PDE1A: variants seen among roughly 807,000 people sequenced by gnomAD.
PDE1A encodes phosphodiesterase 1A.
In PDE1A, 35 loss-of-function variants were observed where a neutral mutation model predicts 61.7. The observed-to-expected ratio is 0.57, with a 90% CI of 0.43 to 0.75. The LOEUF (loss-of-function observed/expected upper bound fraction) is 0.75. Ranked by LOEUF, PDE1A falls within the 30% of genes least tolerant of loss-of-function variation. The pLI is 0.00. For synonymous variants in PDE1A, 232 were observed against 213.2 expected (o/e 1.09, Z -0.77); for missense variants, 597 against 630.6 (o/e 0.95, Z 0.57).
intron 13 of PDE1A, among the ~76,000 whole-genome samples, chr2:182,178,063 G>C (rs566659051): frequency 1.3e-5 from 2 of 152,126 alleles, no homozygotes; most frequent in Non-Finnish European, 2.9e-5. Flanking sequence ...AGCTGATACA[G>C]TGAATCATTA....
At chr2:182,446,036 C>G (rs62188288) in intron 2 of PDE1A, among the ~76,000 whole-genome samples, 5 of 151,866 alleles carry the variant, frequency 3.3e-5, no homozygotes, top group African/African-American at 1.2e-4. Context: ...GATAAAAATG[C>G]CAAGTACACT....
At chr2:182,402,719 C>T (rs1326343810) in intron 1 of PDE1A, among the ~76,000 whole-genome samples, 2 of 152,182 alleles carry the variant, frequency 1.3e-5, no homozygotes, top group African/African-American at 2.4e-5. Flanking sequence ...GCAAAAGAAA[C>T]TATCATCAGA....
At chr2:182,450,637 G>T (rs1268966684) in intron 2 of PDE1A, among the ~76,000 whole-genome samples, 3 of 151,560 alleles carry the variant, frequency 2.0e-5, no homozygotes, top group Non-Finnish European at 2.9e-5. Flanking sequence ...ATCAAATCAG[G>T]CTTGTTCCTT....
At chr2:182,524,780 T>C (rs146237466), upstream of PDE1A, among the ~76,000 whole-genome samples, 11 of 152,086 alleles carry the variant, frequency 7.2e-5, no homozygotes, top group South Asian at 2.1e-4. Context: ...ATTGAGAAAA[T>C]AGTCATAAAA....
At chr2:182,477,567 C>T (rs758042968) in intron 2 of PDE1A, among the ~76,000 whole-genome samples, 6 of 151,856 alleles carry the variant, frequency 4.0e-5, no homozygotes, top group Non-Finnish European at 5.9e-5. Flanking sequence ...CCTGCCTCCA[C>T]ATATGGTAAG....
the PDE1A span, among the ~76,000 whole-genome samples, chr2:182,574,037 C>A: frequency 2.0e-5 from 3 of 150,762 alleles, no homozygotes; most frequent in South Asian, 6.3e-4. Flanking sequence ...TTACAAGGCC[C>A]CACGATAGGC....
intron 1 of PDE1A, among the ~76,000 whole-genome samples, chr2:182,319,481 G>A (rs1696565548): frequency 6.6e-6 from 1 of 152,058 alleles, no homozygotes; most frequent in Non-Finnish European, 1.5e-5. Context: ...AGCTGTAAGT[G>A]TATCTTTATT....
chr2:182,431,121 T>TAAAAAAAAAAAAAAAAAAAAAAAA (rs538631665), upstream of PDE1A, among the ~76,000 whole-genome samples: 2 of 121,518 alleles, frequency 1.6e-5, no homozygotes, highest in Non-Finnish European at 3.4e-5. Context: ...AAAAAAACAT[T>TAAAAAAAAAAAAAAAAAAAAAAAA]AAAAAAAAAA....
At chr2:182,171,672 G>T (rs1019257811) in intron 13 of PDE1A, among the ~76,000 whole-genome samples, 3 of 151,522 alleles carry the variant, frequency 2.0e-5, no homozygotes, top group African/African-American at 7.3e-5. Flanking sequence ...ATTATTGGGG[G>T]TATATAACAA....
chr2:182,514,402 A>C (rs957374974), intron 2 of PDE1A, among the ~76,000 whole-genome samples: 1 of 152,242 alleles, frequency 6.6e-6, no homozygotes, highest in African/African-American at 2.4e-5. Context: ...ACAAAGCCAG[A>C]GGCAGCACAC....
intron 1 of PDE1A, among the ~76,000 whole-genome samples, chr2:182,305,621 T>C (rs1695530020): frequency 6.6e-6 from 1 of 152,160 alleles, no homozygotes; most frequent in Non-Finnish European, 1.5e-5. Flanking sequence ...ATAAAGTTTA[T>C]AAAAATCAAA....
At chr2:182,212,755 C>T (rs1481792820) in intron 7 of PDE1A, among the ~76,000 whole-genome samples, 4 of 152,132 alleles carry the variant, frequency 2.6e-5, no homozygotes, top group South Asian at 2.1e-4. Context: ...GCACCTGGCT[C>T]GGAGGGTCCT....
the PDE1A span, among the ~76,000 whole-genome samples, chr2:182,584,681 G>T: frequency 6.6e-6 from 1 of 152,162 alleles, no homozygotes; most frequent in African/African-American, 2.4e-5. Context: ...TCTCCAAAGT[G>T]AACTCTGCCC....
At chr2:182,241,699 C>T (rs1690523665) in intron 2 of PDE1A, 3 of 633,126 alleles carry the variant, frequency 4.7e-6, no homozygotes, top group Admixed American at 3.7e-5. Flanking sequence ...TTATGAAATA[C>T]CTTATAAAAA....
chr2:182,616,010 T>C, the PDE1A span, among the ~76,000 whole-genome samples: 1 of 152,348 alleles, frequency 6.6e-6, no homozygotes, highest in African/African-American at 2.4e-5. Context: ...ATTCAAACCA[T>C]AGCACTTATG....
chr2:182,610,689 T>C, the PDE1A span, among the ~76,000 whole-genome samples: 2 of 152,012 alleles, frequency 1.3e-5, no homozygotes, highest in African/African-American at 4.8e-5. Flanking sequence ...ATAAAAAGTA[T>C]GTCAGACAAA....
the PDE1A span, among the ~76,000 whole-genome samples, chr2:182,636,456 C>T: frequency 6.6e-6 from 1 of 152,050 alleles, no homozygotes; most frequent in Admixed American, 6.5e-5. Context: ...AGAAACGCTG[C>T]TTTCAAGTGA....
upstream of PDE1A, among the ~76,000 whole-genome samples, chr2:182,526,940 C>T (rs1006524894): frequency 6.6e-6 from 1 of 151,224 alleles, no homozygotes; most frequent in Non-Finnish European, 1.5e-5. Flanking sequence ...TCATTAGTTA[C>T]TTTTTTTTCT....
chr2:182,171,528 G>T (rs750264691), intron 13 of PDE1A, among the ~76,000 whole-genome samples: 1 of 151,786 alleles, frequency 6.6e-6, no homozygotes, highest in South Asian at 2.1e-4. Context: ...CAAGAGGAAC[G>T]GAAGCCTATA....
Sources: gnomAD v4.1 joint callset for allele counts (sites outside exome capture counted in the v4.1 genomes callset) on GRCh38, gnomAD v4.1.1 for gene constraint, MANE v1.5 for transcripts, NCBI Gene and HGNC (gene_info 2026-07-23, HGNC 2026-07-21) for gene names.